Variants in INPP5A observed in about 807,000 individuals in gnomAD.
The protein encoded by INPP5A is inositol polyphosphate-5-phosphatase A, also known as 43 kDa inositol polyphosphate 5-phophatase.
In INPP5A, 14 loss-of-function variants were observed where a neutral mutation model predicts 65.2. The observed-to-expected ratio is 0.21, with a 90% CI of 0.14 to 0.34. INPP5A has a LOEUF of 0.34. Ranked by LOEUF, INPP5A falls within the 10% of genes least tolerant of loss-of-function variation. The pLI is 1.00. For missense variants in INPP5A, 431 were observed against 545.6 expected (o/e 0.79, Z 2.09); for synonymous variants, 207 against 208.3 (o/e 0.99, Z 0.05).
chr10:132,561,505 A>G (rs1224336991), intron 1 of INPP5A, among the ~76,000 whole-genome samples: 1 of 151,986 alleles, frequency 6.6e-6, no homozygotes, highest in Non-Finnish European at 1.5e-5. Context: ...TTAATTGACC[A>G]TGAATATATA....
chr10:132,601,804 G>C (rs988845072), intron 1 of INPP5A, among the ~76,000 whole-genome samples: 3 of 152,170 alleles, frequency 2.0e-5, no homozygotes, highest in Admixed American at 1.3e-4. Flanking sequence ...ATATTACAAG[G>C]CTCTTTATTC....
At chr10:132,597,439 G>A (rs1432686280) in intron 1 of INPP5A, among the ~76,000 whole-genome samples, 2 of 152,154 alleles carry the variant, frequency 1.3e-5, no homozygotes, top group Non-Finnish European at 2.9e-5. Context: ...GTGGTTTGTT[G>A]TGAAAGTGCT....
rs942859951 is a variant in INPP5A at position 132,637,756 on chromosome 10, C to T, written c.118-8112C>T. Among the ~76,000 whole-genome samples, 7 of 152,162 alleles carry T rather than the reference C, an allele frequency of 4.6e-5. No homozygotes were observed. Among genetic ancestry groups the T allele is most frequent in the African/African-American group, 1.4e-4 (6 of 41,420 alleles). ...TGGTCCATTCTGTGTTTTAGTTTCG[C>T]ATCTCTGATGTGAGGTGGTTTTTCA... On this transcript the variant is annotated intron_variant, in intron 2 of 15. Transcript: ENST00000368594. The surrounding 1 kb of genome is among the most constrained non-coding windows in gnomAD (Gnocchi z 4.1).
chr10:132,763,700 CAT>C (rs1491213995), intron 11 of INPP5A, among the ~76,000 whole-genome samples: 4 of 151,686 alleles, frequency 2.6e-5, no homozygotes, highest in African/African-American at 7.3e-5. Context: ...CAAACACACA[CAT>C]GCCTGTGTAT....
intron 1 of INPP5A, among the ~76,000 whole-genome samples, chr10:132,604,391 C>T (rs1350759523): frequency 1.3e-5 from 2 of 152,122 alleles, no homozygotes; most frequent in African/African-American, 4.8e-5. Context: ...TGACGCTTGC[C>T]CTGCAAACAT....
At position 132,714,210 on chromosome 10, in the gene INPP5A, C is replaced by T. The variant is rs570292814; in HGVS notation, c.647+3754C>T. On this transcript the variant is annotated intron_variant, in intron 8 of 15. Coordinates refer to ENST00000368594, the MANE Select transcript of INPP5A (RefSeq NM_005539.5). ...TTTGGGCTTTTGGGCCACTTTTCTG[C>T]GTCTCTGCATTCCCATGAATGGCTC... Among the ~76,000 whole-genome samples the T allele has an allele frequency of 9.8e-5, 15 of 152,322 alleles. No homozygotes were observed. In the East Asian group the frequency reaches 2.3e-3, roughly 24 times the overall value.
At chr10:132,611,598 A>G (rs2071952134) in intron 2 of INPP5A, among the ~76,000 whole-genome samples, 1 of 111,288 alleles carries the variant, frequency 9.0e-6, no homozygotes, top group African/African-American at 3.6e-5. Flanking sequence ...AGGGTGAGGG[A>G]GGTGAGGTAG....
At chr10:132,566,446 G>C (rs547849125) in intron 1 of INPP5A, among the ~76,000 whole-genome samples, 33 of 152,322 alleles carry the variant, frequency 2.2e-4, no homozygotes, top group African/African-American at 7.9e-4. Flanking sequence ...CAGCTGTGCA[G>C]TTGTCTTGCT....
At chr10:132,671,987 A>C (rs954505756) in intron 4 of INPP5A, among the ~76,000 whole-genome samples, 1 of 152,150 alleles carries the variant, frequency 6.6e-6, no homozygotes, top group South Asian at 2.1e-4. Context: ...ATTAGAGGTG[A>C]CTGTTGTCCA....
intron 12 of INPP5A, among the ~76,000 whole-genome samples, chr10:132,770,937 T>C: frequency 6.6e-6 from 1 of 152,098 alleles, no homozygotes; most frequent in African/African-American, 2.4e-5. Context: ...GCCGCCAGCC[T>C]CTGGGAGGAA....
At chr10:132,750,886 A>C (rs934691072) in intron 11 of INPP5A, among the ~76,000 whole-genome samples, 4 of 152,220 alleles carry the variant, frequency 2.6e-5, no homozygotes, top group Non-Finnish European at 5.9e-5. Flanking sequence ...ACAGGCGGGT[A>C]GACCCAGGAC....
chr10:132,736,242 G>A (rs1221517695), intron 9 of INPP5A, among the ~76,000 whole-genome samples: 1 of 152,242 alleles, frequency 6.6e-6, no homozygotes, highest in Non-Finnish European at 1.5e-5. Context: ...GGTGGCAACT[G>A]GCAGCTGGGG....
At chr10:132,761,637 C>T (rs1409231223) in intron 11 of INPP5A, among the ~76,000 whole-genome samples, 1 of 152,130 alleles carries the variant, frequency 6.6e-6, no homozygotes, top group African/African-American at 2.4e-5. Context: ...CATAAACAGT[C>T]ACCCTGGGTG....
chr10:132,611,151 G>A (rs1388328829), intron 2 of INPP5A, among the ~76,000 whole-genome samples: 1 of 149,734 alleles, frequency 6.7e-6, no homozygotes, highest in East Asian at 2.0e-4. Flanking sequence ...TGGTGAGGGA[G>A]GTTAGGAGTT....
chr10:132,674,579 G>A lies in INPP5A; in HGVS notation c.307-15813G>A, dbSNP rs1009267966. Among the ~76,000 whole-genome samples, 1 of 152,190 alleles carries A rather than the reference G, an allele frequency of 6.6e-6. No individual in the cohort carries two copies. The highest frequency in any genetic ancestry group is 1.5e-5 in the Non-Finnish European group (1 of 68,046). On this transcript the variant is annotated intron_variant, in intron 4 of 15. Transcript: ENST00000368594. The surrounding 1 kb of genome is among the most constrained non-coding windows in gnomAD (Gnocchi z 4.4). The stretch of plus-strand genomic sequence containing the variant: ...GAGAGAAGGGAGGGTGGCGGGAGTG[G>A]AGACCATGGGCATTTGAGCCACGTC...
Position 132,781,961 on chromosome 10 carries a change from C to A in INPP5A, c.*7+13C>A. 6.2e-7 allele frequency: 1 copy of A among 1,612,714 alleles called. No individual in the cohort carries two copies. Among genetic ancestry groups the A allele is most frequent in the Non-Finnish European group, 8.5e-7 (1 of 1,179,032 alleles). On this transcript the variant is annotated intron_variant, in intron 15 of 15. Coordinates refer to ENST00000368594, the MANE Select transcript of INPP5A (RefSeq NM_005539.5). ...CAGTGACGTGGTGGTAAATATGACT[C>A]CTCCCTCCAGTTCAGCTTTTACGCA...
In INPP5A at chr10:132,705,287, G is replaced by A. The variant is rs182010935; in HGVS notation, c.475-3026G>A. On this transcript the variant is annotated intron_variant, in intron 6 of 15. Transcript: ENST00000368594. The surrounding 1 kb of genome is among the most constrained non-coding windows in gnomAD (Gnocchi z 4.9). ...GACATGTTTGGAATCAGAGACAAGT[G>A]TCTGGTGCAGCACGCAGGGAGCCTG... is the stretch of plus-strand genomic sequence containing the variant. Among the ~76,000 whole-genome samples, 24 of 152,336 alleles carry A rather than the reference G, an allele frequency of 1.6e-4. No homozygotes were observed. Among genetic ancestry groups the A allele is most frequent in the African/African-American group, 4.8e-4 (20 of 41,578 alleles).
At chr10:132,542,402 G>T (rs897476624) in intron 1 of INPP5A, among the ~76,000 whole-genome samples, 1 of 152,220 alleles carries the variant, frequency 6.6e-6, no homozygotes, top group South Asian at 2.1e-4. Flanking sequence ...TATGGAGTCG[G>T]TGATGGTCAG....
At chr10:132,646,816 T>C (rs1224625656) in intron 3 of INPP5A, among the ~76,000 whole-genome samples, 1 of 152,164 alleles carries the variant, frequency 6.6e-6, no homozygotes, top group Non-Finnish European at 1.5e-5. Flanking sequence ...TGCCACACAC[T>C]GTGGGCCGAC....
Sources: allele counts gnomAD v4.1 joint callset (sites outside exome capture counted in the v4.1 genomes callset), GRCh38; gene constraint gnomAD v4.1.1; non-coding constraint Gnocchi (gnomAD v3.1); transcripts MANE v1.5; gene names NCBI Gene and HGNC (gene_info 2026-07-23, HGNC 2026-07-21).